STARD13: variants seen among roughly 807,000 people sequenced by gnomAD.
STARD13 encodes the protein StAR related lipid transfer domain containing 13.
STARD13 carries 62 observed loss-of-function variants against 106.4 expected under a neutral mutation model. The observed-to-expected ratio is 0.58, with a 90% confidence interval of 0.48 to 0.72. STARD13 has a LOEUF of 0.72. Among genes scored for constraint, STARD13 ranks in the 30% least tolerant of loss-of-function variants. The pLI, the probability that STARD13 is intolerant of heterozygous loss-of-function variation, is 0.00. For synonymous variants in STARD13, 565 were observed against 553.0 expected, an observed-to-expected ratio of 1.02 and a Z score of -0.31; for missense variants, 1,387 against 1,424.0, an observed-to-expected ratio of 0.97 and a Z score of 0.42.
the STARD13 span, among the ~76,000 whole-genome samples, chr13:33,622,681 G>A: frequency 2.0e-5 from 3 of 148,872 alleles, no homozygotes; most frequent in Admixed American, 2.0e-4. Context: ...CAGCACTTTG[G>A]GAGGCTGAGG....
chr13:33,257,425 A>G (rs61542318), intron 1 of STARD13, among the ~76,000 whole-genome samples: 3,735 of 152,318 alleles, frequency 0.025, 156 homozygotes, highest in African/African-American at 0.085. Context: ...AATGCCAAGC[A>G]TGGTATATAA....
chr13:33,183,253 G>T (rs145155619), intron 1 of STARD13, among the ~76,000 whole-genome samples: 2,014 of 152,296 alleles, frequency 0.013, 38 homozygotes, highest in African/African-American at 0.046. Context: ...TACCACTAGT[G>T]CCTAGCAGAG....
At chr13:33,369,046 CA>C in the STARD13 span, among the ~76,000 whole-genome samples, 3 of 151,738 alleles carry the variant, frequency 2.0e-5, no homozygotes, top group Admixed American at 1.3e-4. Context: ...GTGCCTAGTT[CA>C]ATTCGAATTT....
chr13:33,495,168 A>G, the STARD13 span, among the ~76,000 whole-genome samples: 19 of 152,218 alleles, frequency 1.2e-4, no homozygotes, highest in African/African-American at 4.6e-4. Context: ...ACACATGAGA[A>G]TAATATCAGA....
chr13:33,300,791 C>T (rs185281649), intron 1 of STARD13, among the ~76,000 whole-genome samples: 35 of 152,246 alleles, frequency 2.3e-4, no homozygotes, highest in Admixed American at 1.4e-3. Flanking sequence ...TAAAAGGGCC[C>T]GCAGGTCCCT....
intron 1 of STARD13, among the ~76,000 whole-genome samples, chr13:33,327,787 A>C (rs1211214071): frequency 6.6e-6 from 1 of 152,222 alleles, no homozygotes; most frequent in Admixed American, 6.5e-5. Flanking sequence ...ACATTTATGC[A>C]CTTTGAAAAT....
chr13:33,222,378 A>G (rs1317123663), intron 1 of STARD13, among the ~76,000 whole-genome samples: 1 of 152,174 alleles, frequency 6.6e-6, no homozygotes, highest in Non-Finnish European at 1.5e-5. Flanking sequence ...AGATCTGGAG[A>G]TTGATTGCAA....
At chr13:33,653,194 A>G in the STARD13 span, among the ~76,000 whole-genome samples, 1 of 152,206 alleles carries the variant, frequency 6.6e-6, no homozygotes, top group African/African-American at 2.4e-5. Flanking sequence ...TTCACGGAGA[A>G]ATTCAAGTGA....
intron 1 of STARD13, among the ~76,000 whole-genome samples, chr13:33,204,444 G>C (rs1887268604): frequency 6.6e-6 from 1 of 152,148 alleles, no homozygotes; most frequent in African/African-American, 2.4e-5. Context: ...CTAATGAAAA[G>C]ACAGTACGAC....
intron 1 of STARD13, among the ~76,000 whole-genome samples, chr13:33,312,910 A>G (rs1046484426): frequency 6.6e-6 from 1 of 152,246 alleles, no homozygotes; most frequent in African/African-American, 2.4e-5. Context: ...CCAGGGTTCT[A>G]CTTGAACTCT....
the STARD13 span, among the ~76,000 whole-genome samples, chr13:33,655,506 A>C: frequency 7.5e-3 from 1,137 of 152,284 alleles, 35 homozygotes; most frequent in East Asian, 0.12. Context: ...CTCCCCTCCC[A>C]GTCCATTCCA....
At chr13:33,231,578 A>G (rs1289758569) in intron 1 of STARD13, among the ~76,000 whole-genome samples, 1 of 152,128 alleles carries the variant, frequency 6.6e-6, no homozygotes, top group Non-Finnish European at 1.5e-5. Flanking sequence ...CTTGAGTTGA[A>G]GGTAACATAA....
chr13:33,354,062 A>G (rs2078104459), upstream of STARD13, among the ~76,000 whole-genome samples: 1 of 152,114 alleles, frequency 6.6e-6, no homozygotes, highest in African/African-American at 2.4e-5. Flanking sequence ...TCTATTTCCT[A>G]TGTGAGCCAC....
chr13:33,637,426 G>A, the STARD13 span, among the ~76,000 whole-genome samples: 1 of 152,132 alleles, frequency 6.6e-6, no homozygotes, highest in Non-Finnish European at 1.5e-5. Context: ...TGGCCTAGGG[G>A]GTAAATGAGA....
chr13:33,386,166 T>C, the STARD13 span, among the ~76,000 whole-genome samples: 6 of 152,204 alleles, frequency 3.9e-5, no homozygotes, highest in East Asian at 1.2e-3. Flanking sequence ...CCATGGTTCT[T>C]TGATTCACAT....
chr13:33,508,631 G>A, the STARD13 span, among the ~76,000 whole-genome samples: 1 of 152,166 alleles, frequency 6.6e-6, no homozygotes, highest in Non-Finnish European at 1.5e-5. Flanking sequence ...ATGTGACACT[G>A]GATAAGCTGA....
At chr13:33,565,553 C>T in the STARD13 span, among the ~76,000 whole-genome samples, 1 of 147,506 alleles carries the variant, frequency 6.8e-6, no homozygotes, top group Non-Finnish European at 1.5e-5. Flanking sequence ...CACTGGTAAA[C>T]CTGAAGGAAA....
chr13:33,403,319 G>A, the STARD13 span, among the ~76,000 whole-genome samples: 2 of 152,184 alleles, frequency 1.3e-5, no homozygotes, highest in Non-Finnish European at 2.9e-5. Context: ...CAAAACACTT[G>A]GTGTAGCAAT....
At chr13:33,485,857 G>T in the STARD13 span, among the ~76,000 whole-genome samples, 3 of 152,118 alleles carry the variant, frequency 2.0e-5, no homozygotes, top group Admixed American at 1.3e-4. Flanking sequence ...GCCAAAGAAG[G>T]TCCATGCAGA....
Sources: gnomAD v4.1 joint callset for allele counts (sites outside exome capture counted in the v4.1 genomes callset) on GRCh38, gnomAD v4.1.1 for gene constraint, MANE v1.5 for transcripts, NCBI Gene and HGNC (gene_info 2026-07-23, HGNC 2026-07-21) for gene names.